Variants in PLCE1 observed in about 807,000 individuals in gnomAD.
The protein encoded by PLCE1 is phospholipase C epsilon 1, also known as 1-phosphatidylinositol 4,5-bisphosphate phosphodiesterase epsilon-1.
In PLCE1, 119 loss-of-function variants were observed where a neutral mutation model predicts 242.8. The ratio of observed to expected loss-of-function variants is 0.49; its 90% CI spans 0.42 to 0.57. The LOEUF is 0.57. Among genes scored for constraint, PLCE1 ranks in the 20% least tolerant of loss-of-function variants. PLCE1 has a pLI of 0.00. For missense variants in PLCE1, 2,441 were observed against 2,788.8 expected (o/e 0.88, Z 2.81); for synonymous variants, 945 against 1,017.4 (o/e 0.93, Z 1.35).
chr10:94,061,017 GA>G (rs2044041364), intron 2 of PLCE1, among the ~76,000 whole-genome samples: 1 of 151,978 alleles, frequency 6.6e-6, no homozygotes, highest in South Asian at 2.1e-4. Context: ...TTTAACTTAT[GA>G]AACCTTTCAG....
At chr10:94,069,560 C>T (rs2044294173) in intron 2 of PLCE1, among the ~76,000 whole-genome samples, 1 of 152,124 alleles carries the variant, frequency 6.6e-6, no homozygotes, top group Admixed American at 6.5e-5. Flanking sequence ...TTGCAGTGAG[C>T]CGAGAACACA....
At chr10:94,273,176 G>A (rs9420634) in intron 18 of PLCE1, among the ~76,000 whole-genome samples, 149,457 of 152,352 alleles carry the variant, frequency 0.98, 73,321 homozygotes, top group East Asian at 1. Flanking sequence ...CTTTGTCCCT[G>A]CTCCCTACCC....
At chr10:94,181,185 A>C (rs1484455112) in intron 4 of PLCE1, among the ~76,000 whole-genome samples, 3 of 152,232 alleles carry the variant, frequency 2.0e-5, no homozygotes, top group Non-Finnish European at 2.9e-5. Flanking sequence ...AATGGGAATC[A>C]GAATATTTTT....
At chr10:94,098,863 T>C (rs1285847336) in intron 2 of PLCE1, among the ~76,000 whole-genome samples, 4 of 152,210 alleles carry the variant, frequency 2.6e-5, no homozygotes, top group Non-Finnish European at 4.4e-5. Context: ...CAGTCCTCCA[T>C]AGCTGATACT....
intron 4 of PLCE1, among the ~76,000 whole-genome samples, chr10:94,177,836 A>C (rs1319570373): frequency 6.6e-6 from 1 of 152,182 alleles, no homozygotes; most frequent in Non-Finnish European, 1.5e-5. Context: ...ACTTTAGTGC[A>C]TGCAGGTGAA....
At chr10:94,102,253 T>G (rs917867953) in intron 2 of PLCE1, among the ~76,000 whole-genome samples, 4 of 152,116 alleles carry the variant, frequency 2.6e-5, no homozygotes, top group African/African-American at 9.7e-5. Context: ...TCCAGTGAGC[T>G]TCAGAAACAT....
intron 2 of PLCE1, among the ~76,000 whole-genome samples, chr10:94,054,533 G>A (rs1244609060): frequency 6.6e-6 from 1 of 152,216 alleles, no homozygotes; most frequent in Non-Finnish European, 1.5e-5. Flanking sequence ...AGCACCTGCA[G>A]GTGACTCAGA....
At chr10:94,153,659 A>G (rs1487354677) in intron 3 of PLCE1, among the ~76,000 whole-genome samples, 1 of 152,162 alleles carries the variant, frequency 6.6e-6, no homozygotes, top group East Asian at 1.9e-4. Flanking sequence ...CCACTAAAAC[A>G]CTATTAGAAT....
At position 94,178,059 on chromosome 10, in the gene PLCE1, C is replaced by T. The variant is rs146822924; in HGVS notation, c.1809+6563C>T. ...CCAATGATGATTTTGGGGGTTGGAA[C>T]CCTTCATTGCATCTACAGCTGGTCC... On this transcript the variant is annotated intron_variant, in intron 4 of 32. Transcript: ENST00000371380. Among the ~76,000 whole-genome samples, 87 of 152,156 alleles carry T rather than the reference C, an allele frequency of 5.7e-4. No individual in the cohort carries two copies. In the East Asian group the frequency reaches 8.9e-3, roughly 16 times the overall value.
At chr10:94,255,949 CT>C (rs1564834543) in intron 11 of PLCE1, among the ~76,000 whole-genome samples, 243 of 137,840 alleles carry the variant, frequency 1.8e-3, no homozygotes, top group African/African-American at 3.6e-3. Context: ...CTCTCTCTCT[CT>C]CTCTCTCCCC....
At chr10:94,289,181 A>G (rs2052565229) in intron 22 of PLCE1, among the ~76,000 whole-genome samples, 1 of 152,090 alleles carries the variant, frequency 6.6e-6, no homozygotes, top group Non-Finnish European at 1.5e-5. Flanking sequence ...GCCTCCCAAT[A>G]TCTTGCAAAA....
intron 2 of PLCE1, among the ~76,000 whole-genome samples, chr10:94,073,411 T>C (rs2135139564): frequency 6.6e-6 from 1 of 152,248 alleles, no homozygotes; most frequent in East Asian, 1.9e-4. Flanking sequence ...CAGGAATGGC[T>C]TCATGGAAAG....
At chr10:94,224,464 C>T (rs1220774797) in intron 4 of PLCE1, among the ~76,000 whole-genome samples, 1 of 152,194 alleles carries the variant, frequency 6.6e-6, no homozygotes, top group Non-Finnish European at 1.5e-5. Context: ...AGAATGACAA[C>T]TTTCCAGAGA....
intron 32 of PLCE1, among the ~76,000 whole-genome samples, chr10:94,327,385 A>G (rs188161459): frequency 3.4e-3 from 515 of 152,052 alleles, no homozygotes; most frequent in African/African-American, 0.012. Context: ...ACTTGAGGTC[A>G]GGAGTTCGAG....
rs888471800 is a variant in PLCE1, at chr10:94,210,871, G to T, written c.1810-16435G>T. ...CACCATTATTTCTCCTGTTTTCCTT[G>T]TTGGGGCCTCCCTTCTAGAATTCTT... is the stretch of plus-strand genomic sequence containing the variant. On this transcript the variant is annotated intron_variant, in intron 4 of 32. Coordinates refer to ENST00000371380, the MANE Select transcript of PLCE1 (RefSeq NM_016341.4). Among the ~76,000 whole-genome samples, 23 of 152,146 alleles carry T rather than the reference G, an allele frequency of 1.5e-4. 1 individual carries two copies. Among genetic ancestry groups the T allele is most frequent in the Non-Finnish European group, 8.8e-5 (6 of 68,022 alleles).
At chr10:94,178,165 C>G (rs543693606) in intron 4 of PLCE1, among the ~76,000 whole-genome samples, 2 of 152,192 alleles carry the variant, frequency 1.3e-5, no homozygotes, top group African/African-American at 4.8e-5. Context: ...TTTTGTGTAA[C>G]AGACAGTTGA....
At chr10:94,243,859 G>GTATGTATTTATGTATCACAAATACA (rs2050590440) in intron 7 of PLCE1, among the ~76,000 whole-genome samples, 2 of 152,152 alleles carry the variant, frequency 1.3e-5, no homozygotes, top group African/African-American at 4.8e-5. Context: ...TTACAGAAAT[G>GTATGTATTTATGTATCACAAATACA]TATGTATTTA....
intron 4 of PLCE1, among the ~76,000 whole-genome samples, chr10:94,202,251 C>T (rs946804667): frequency 1.3e-5 from 2 of 152,120 alleles, no homozygotes; most frequent in South Asian, 2.1e-4. Context: ...AGAAAATTCC[C>T]GTATTCCTTT....
At chr10:94,214,787 C>A (rs2049461157) in intron 4 of PLCE1, among the ~76,000 whole-genome samples, 1 of 152,182 alleles carries the variant, frequency 6.6e-6, no homozygotes, top group Non-Finnish European at 1.5e-5. Context: ...CAGGTGCACA[C>A]CTGCCCGAGG....
Sources: gnomAD v4.1 joint callset for allele counts (sites outside exome capture counted in the v4.1 genomes callset) on GRCh38, gnomAD v4.1.1 for gene constraint, MANE v1.5 for transcripts, NCBI Gene and HGNC (gene_info 2026-07-23, HGNC 2026-07-21) for gene names.